Variants in MBD3 observed in about 807,000 individuals in gnomAD.
The protein encoded by MBD3 is methyl-CpG-binding domain protein 3.
Under a neutral mutation model 31.2 loss-of-function variants are expected in MBD3, and 13 were observed. That is an observed-to-expected ratio of 0.42 (90% CI 0.27 to 0.66). MBD3 has a LOEUF of 0.66. Among genes scored for constraint, MBD3 ranks in the 30% least tolerant of loss-of-function variants. The pLI, the probability that MBD3 is intolerant of heterozygous loss-of-function variation, is 0.26. For synonymous variants in MBD3, 223 were observed against 187.4 expected, an observed-to-expected ratio of 1.19 and a Z score of -1.55; for missense variants, 440 against 426.5, an observed-to-expected ratio of 1.03 and a Z score of -0.28.
At chr19:1,584,844 G>A in intron 2 of MBD3, 167 bp from the exon 3 acceptor site, 3 of 981,034 alleles carry the variant, frequency 3.1e-6, no homozygotes, top group East Asian at 3.5e-5. Flanking sequence ...GGTCGGTCCG[G>A]CCGGCTCTGG....
rs2060668833 is a variant in MBD3, at chr19:1,584,630, G to A, written c.318C>T (p.Ser106=). 2 of 1,613,792 alleles carry A rather than the reference G, an allele frequency of 1.2e-6. No homozygotes were observed. The highest frequency in any genetic ancestry group is 1.7e-6 in the Non-Finnish European group (2 of 1,179,912). The change falls in exon 3 of 7, where the codon TCC becomes TCT. Residue 106 remains serine, a synonymous_variant. Transcript: ENST00000434436. ...NTALPVRQTA[S]IFKQPVTKIT... ...TCTTGGTCACCGGCTGCTTGAAGATGGACGCCGTCTGGCGCACGGGCAGCG... is the reference window on the plus strand; with the variant it reads ...TCTTGGTCACCGGCTGCTTGAAGATAGACGCCGTCTGGCGCACGGGCAGCG...
chr19:1,588,509 C>T (rs751756551), intron 1 of MBD3, among the ~76,000 whole-genome samples: 2 of 152,078 alleles, frequency 1.3e-5, no homozygotes, highest in South Asian at 2.1e-4. Flanking sequence ...AGGCCGGGCG[C>T]GGTGGCTCAC....
At chr19:1,581,351 C>G in intron 4 of MBD3, 82 bp from the exon 5 acceptor site, 1 of 1,426,292 alleles carries the variant, frequency 7.0e-7, no homozygotes, top group Non-Finnish European at 9.6e-7. Flanking sequence ...GGAAATGCCC[C>G]AAGAATGGGA....
rs2060676531 is a variant in MBD3 at position 1,585,780 on chromosome 19, G to A, written c.111-566C>T. ...CTAAAAGCAATCTTCTTCCACCTTG[G>A]GGTTACAGCAGCAGGGCCAGACTGG... On this transcript the variant is annotated intron_variant, in intron 1 of 6. Coordinates refer to ENST00000434436, the MANE Select transcript of MBD3 (RefSeq NM_001281453.2). The surrounding 1 kb of genome is among the most constrained non-coding windows in gnomAD (Gnocchi z 4.1). 6.3e-6 allele frequency: 1 copy of A among 158,678 alleles called. No homozygotes were observed. The highest frequency in any genetic ancestry group is 6.1e-5 in the Admixed American group (1 of 16,440). The allele number at this position is 158,678 out of a possible 1,614,324, so 9.8% of individuals were successfully genotyped here.
chr19:1,580,209 CAA>C (rs760387889), intron 5 of MBD3, among the ~76,000 whole-genome samples: 7 of 152,210 alleles, frequency 4.6e-5, no homozygotes, highest in Non-Finnish European at 1.0e-4. Context: ...ACCTCAAACC[CAA>C]AAGAGGGGGC....
At position 1,575,172 on chromosome 19, in the gene MBD3, G is replaced by A. The variant is rs1424937624; in HGVS notation, c.*2992C>T. On this transcript the variant is annotated 3_prime_UTR_variant, in exon 7 of 7. Transcript: ENST00000434436. Reference sequence around the variant, plus strand: ...AGGGCTGCCATGGTGGTTCACACCTGTAATCCCGGCAATTTGGGAAGCTGG... The same window carrying A: ...AGGGCTGCCATGGTGGTTCACACCTATAATCCCGGCAATTTGGGAAGCTGG... 1.4e-5 allele frequency: 6 copies of A among 436,810 alleles called. No individual in the cohort carries two copies. The highest frequency in any genetic ancestry group is 9.7e-5 in the Admixed American group (4 of 41,356). The allele number at this position is 436,810 out of a possible 1,614,324, so 27.1% of individuals were successfully genotyped here.
rs920826508 is a variant in MBD3, at chr19:1,577,995, C to T, written c.*169G>A. 6.9e-6 allele frequency: 3 copies of T among 433,478 alleles called. No individual in the cohort carries two copies. The highest frequency in any genetic ancestry group is 2.3e-5 in the South Asian group (1 of 43,594). The allele number at this position is 433,478 out of a possible 1,614,324, so 26.9% of individuals were successfully genotyped here. On this transcript the variant is annotated 3_prime_UTR_variant, in exon 7 of 7. Transcript: ENST00000434436. ...TGGGGGCAGCCCCAGCTGTGTGCCC[C>T]GAGGCCCCGGGAAGTGGGGACGGGC...
At chr19:1,581,667 C>A in intron 4 of MBD3, 1 of 334,586 alleles carries the variant, frequency 3.0e-6, no homozygotes, top group Non-Finnish European at 5.8e-6. Context: ...ACCACTTGAG[C>A]CCGGGAGGTA....
rs760270168 is a variant in MBD3, at chr19:1,592,531, AAG to A, written c.99_100del (p.Phe34LeufsTer3). On this transcript the variant is annotated frameshift_variant, in exon 1 of 7. Transcript: ENST00000434436. LOFTEE classifies it high-confidence loss of function. ...CGGCGCGCTCATTCACCTATAGTAA[AAG>A]ACATCCCTGTGGCCGGCCGACAGCC... The A allele has an allele frequency of 1.4e-6, 2 of 1,426,176 alleles. No homozygotes were observed. The highest frequency in any genetic ancestry group is 2.4e-5 in the South Asian group (2 of 84,688). 88.3% of individuals were successfully genotyped at this position (1,426,176 alleles called of 1,614,324 possible). A position where few individuals can be genotyped will look rare whatever the true frequency, so the allele number is the denominator to read the frequency against.
chr19:1,583,002 G>C (rs1386601475), intron 3 of MBD3, among the ~76,000 whole-genome samples: 1 of 152,102 alleles, frequency 6.6e-6, no homozygotes, highest in Admixed American at 6.6e-5. Flanking sequence ...TCAGGAGTTT[G>C]AGACCAGCCT....
chr19:1,592,443 G>A, intron 1 of MBD3, 79 bp downstream of exon 1: 3 of 597,730 alleles, frequency 5.0e-6, no homozygotes, highest in Non-Finnish European at 7.4e-6. Flanking sequence ...CCGCGGCCCG[G>A]GGCAGGGGCG....
intron 4 of MBD3, among the ~76,000 whole-genome samples, chr19:1,582,201 C>T (rs1222674745): frequency 1.3e-5 from 2 of 152,098 alleles, no homozygotes; most frequent in African/African-American, 2.4e-5. Flanking sequence ...TGTACCCAGC[C>T]GACCCTGTCT....
chr19:1,580,895 C>T (rs1917336579), intron 5 of MBD3, among the ~76,000 whole-genome samples, 197 bp downstream of exon 5: 1 of 152,212 alleles, frequency 6.6e-6, no homozygotes, highest in Non-Finnish European at 1.5e-5. Context: ...GGGTGCCTGG[C>T]TCGCCCTGAA....
intron 3 of MBD3, 110 bp downstream of exon 3, chr19:1,584,430 A>G (rs972495405): frequency 1.0e-5 from 15 of 1,495,172 alleles, no homozygotes; most frequent in Non-Finnish European, 1.3e-5. Flanking sequence ...GCTAGCCTGG[A>G]ACTCCTGCGC....
chr19:1,581,253 G>A lies in MBD3; in HGVS notation c.516C>T (p.Cys172=), dbSNP rs761890210. ...PKGLQGVGPG[C]TDETLLSAIA... is the part of the protein sequence containing the mutation. ...TGGCCGACAGCAGCGTCTCATCCGTGCAGCCAGGTCCCACCCCTGCCAGGC... is the reference window on the plus strand; with the variant it reads ...TGGCCGACAGCAGCGTCTCATCCGTACAGCCAGGTCCCACCCCTGCCAGGC... The change falls in exon 5 of 7, where the codon TGC becomes TGT. Residue 172 remains cysteine (C), a synonymous_variant. Coordinates refer to ENST00000434436, the MANE Select transcript of MBD3 (RefSeq NM_001281453.2). The A allele has an allele frequency of 1.9e-6, 3 of 1,609,324 alleles. No individual in the cohort carries two copies. In the African/African-American group the frequency reaches 4.0e-5, roughly 21 times the overall value.
chr19:1,580,122 T>C (rs1917315831), intron 5 of MBD3, among the ~76,000 whole-genome samples: 1 of 152,274 alleles, frequency 6.6e-6, no homozygotes, highest in South Asian at 2.1e-4. Context: ...TCTTGTTCTT[T>C]TCTTTTGTTG....
At chr19:1,587,400 CTTCAT>C (rs986471449) in intron 1 of MBD3, among the ~76,000 whole-genome samples, 2 of 151,732 alleles carry the variant, frequency 1.3e-5, no homozygotes, top group Non-Finnish European at 1.5e-5. Context: ...CGCCCTGCTG[CTTCAT>C]TTCTTTTTTT....
At position 1,592,730 on chromosome 19, in the gene MBD3, C is replaced by CGCCACTTGCCGCGGCT. The variant is rs1204675533; in HGVS notation, c.-115_-100dup. 14 of 256,950 alleles carry CGCCACTTGCCGCGGCT rather than the reference C, an allele frequency of 5.4e-5. No individual in the cohort carries two copies. The highest frequency in any genetic ancestry group is 3.3e-4 in the African/African-American group (14 of 43,036). The allele number at this position is 256,950 out of a possible 1,614,324, so 15.9% of individuals were successfully genotyped here. A position where few individuals can be genotyped will look rare whatever the true frequency, so the allele number is the denominator to read the frequency against. ...CTGCCTCCGCTGCCGCTGCCGCCGCCGCCACTTGCCGCGGCTGTTCCGGCC... is the reference window on the plus strand; with the variant it reads ...CTGCCTCCGCTGCCGCTGCCGCCGCCGCCACTTGCCGCGGCTGCCACTTGCCGCGGCTGTTCCGGCC... On this transcript the variant is annotated 5_prime_UTR_variant, in exon 1 of 7. Transcript: ENST00000434436.
chr19:1,590,663 TTAAA>T (rs780121853), intron 1 of MBD3, among the ~76,000 whole-genome samples: 48 of 152,150 alleles, frequency 3.2e-4, no homozygotes, highest in Non-Finnish European at 5.9e-4. Flanking sequence ...TATCTCAATT[TTAAA>T]TAAAGGTTAT....
Sources: allele counts gnomAD v4.1 joint callset (sites outside exome capture counted in the v4.1 genomes callset), GRCh38; gene constraint gnomAD v4.1.1; non-coding constraint Gnocchi (gnomAD v3.1); transcripts MANE v1.5; gene names NCBI Gene and HGNC (gene_info 2026-07-23, HGNC 2026-07-21).